CDC42BPA: variants seen among roughly 807,000 people sequenced by gnomAD.
The protein encoded by CDC42BPA is serine/threonine-protein kinase MRCK alpha.
A neutral mutation model predicts 223.5 loss-of-function variants in CDC42BPA; 80 were observed. The ratio of observed to expected loss-of-function variants is 0.36; its 90% CI spans 0.30 to 0.43. The LOEUF (loss-of-function observed/expected upper bound fraction) is 0.43. CDC42BPA is among the 20% of genes least tolerant of loss of function. The pLI is 1.00. For missense variants in CDC42BPA, 1,743 were observed against 2,099.9 expected, an observed-to-expected ratio of 0.83 and a Z score of 3.32; for synonymous variants, 694 against 718.6, an observed-to-expected ratio of 0.97 and a Z score of 0.55.
chr1:227,309,217 A>T (rs1029839988), intron 1 of CDC42BPA, among the ~76,000 whole-genome samples: 43 of 151,860 alleles, frequency 2.8e-4, no homozygotes, highest in South Asian at 1.2e-3. Flanking sequence ...AAAAAAAAAA[A>T]AAAAATAAGC....
intron 35 of CDC42BPA, among the ~76,000 whole-genome samples, chr1:226,998,349 CA>C (rs1318861661): frequency 3.9e-5 from 6 of 152,098 alleles, no homozygotes; most frequent in Admixed American, 3.9e-4. Flanking sequence ...CAATCCTAAG[CA>C]AAAAGAACAA....
intron 22 of CDC42BPA, among the ~76,000 whole-genome samples, chr1:227,051,339 T>C (rs78216011): frequency 0.13 from 19,647 of 152,214 alleles, 1,346 homozygotes; most frequent in East Asian, 0.26. Context: ...AATTGGCCTA[T>C]TGGCTATTTA....
At position 227,074,355 on chromosome 1, in the gene CDC42BPA, A is replaced by G. The variant is rs1442061121; in HGVS notation, c.2490T>C (p.Asp830=). Reference sequence around the variant, plus strand: ...GAAGATACCCTCGTGCATCCTTTTCATCGCTGACCCTAGAATATATAAAGA... The same window carrying G: ...GAAGATACCCTCGTGCATCCTTTTCGTCGCTGACCCTAGAATATATAAAGA... ...QITEIIQWVS[D]EKDARGYLQA... The change falls in exon 18 of 37, where the codon GAT becomes GAC. Residue 830 remains aspartate, a synonymous_variant. Transcript: ENST00000366766. The G allele has an allele frequency of 1.2e-6, 2 of 1,611,614 alleles. No individual in the cohort carries two copies. The highest frequency in any genetic ancestry group is 4.5e-5 in the East Asian group (2 of 44,838).
At chr1:227,133,515 A>T (rs1306628753) in intron 10 of CDC42BPA, among the ~76,000 whole-genome samples, 1 of 152,234 alleles carries the variant, frequency 6.6e-6, no homozygotes, top group South Asian at 2.1e-4. Context: ...GTTTTGTGGA[A>T]TAGAAAGGGG....
At chr1:227,280,956 T>C (rs762153637) in intron 1 of CDC42BPA, among the ~76,000 whole-genome samples, 2 of 152,154 alleles carry the variant, frequency 1.3e-5, no homozygotes, top group African/African-American at 2.4e-5. Flanking sequence ...CTCTCTGGGA[T>C]AGACCGGCTG....
At chr1:227,118,505 G>A (rs1365178615) in intron 12 of CDC42BPA, among the ~76,000 whole-genome samples, 5 of 151,878 alleles carry the variant, frequency 3.3e-5, no homozygotes, top group South Asian at 2.1e-4. Flanking sequence ...GTTTCTTTTC[G>A]TCAGCACTAT....
chr1:227,159,655 A>AGG (rs1663488992), intron 6 of CDC42BPA, among the ~76,000 whole-genome samples: 1 of 150,506 alleles, frequency 6.6e-6, no homozygotes, highest in African/African-American at 2.4e-5. Flanking sequence ...AAGTTAAAAA[A>AGG]AAAAAAAAAC....
chr1:227,073,845 C>A lies in CDC42BPA; in HGVS notation c.2735+19G>T. The stretch of plus-strand genomic sequence containing the variant: ...AAACTTAGAAATTATTCTAGTGGGA[C>A]TATATGATTCAATCTTACCATTCTG... On this transcript the variant is annotated intron_variant, in intron 19 of 36. Coordinates refer to ENST00000366766, the MANE Select transcript of CDC42BPA (RefSeq NM_001394014.1). The A allele has an allele frequency of 6.6e-7, 1 of 1,511,718 alleles. No homozygotes were observed. 93.6% of individuals were successfully genotyped at this position (1,511,718 alleles called of 1,614,324 possible). A position where few individuals can be genotyped will look rare whatever the true frequency, so the allele number is the denominator to read the frequency against.
At chr1:227,226,568 C>G (rs901324318) in intron 2 of CDC42BPA, among the ~76,000 whole-genome samples, 1 of 152,134 alleles carries the variant, frequency 6.6e-6, no homozygotes, top group African/African-American at 2.4e-5. Context: ...TTGAAGTTCT[C>G]AAAGGACAGA....
Position 227,051,967 on chromosome 1 carries a change from T to C in CDC42BPA, c.2923A>G (p.Thr975Ala), listed in dbSNP as rs749027214. 5.1e-6 allele frequency: 7 copies of C among 1,366,024 alleles called. No individual in the cohort carries two copies. The highest frequency in any genetic ancestry group is 3.8e-5 in the Admixed American group (2 of 52,524). The allele number at this position is 1,366,024 out of a possible 1,614,324, so 84.6% of individuals were successfully genotyped here. A position where few individuals can be genotyped will look rare whatever the true frequency, so the allele number is the denominator to read the frequency against. ...TTGACGCTCGGGTTCCATACATATG[T>C]GTTCTCAACGGGATCAGTCTAGGAA... is the stretch of plus-strand genomic sequence containing the variant. ...DQFETDPVEN[T>A]YVWNPSVKFH... is the part of the protein sequence containing the mutation. Residue 975 changes from threonine (T) to alanine (A), a missense_variant, in exon 22 of 37, where the codon ACA becomes GCA. Physicochemically the swap from Thr to Ala is moderately conservative, Grantham distance 58. This residue lies in a region of CDC42BPA where 678 missense variants were observed against 777.5 expected (regional missense o/e 0.87). Coordinates refer to ENST00000366766, the MANE Select transcript of CDC42BPA (RefSeq NM_001394014.1).
At position 227,014,523 on chromosome 1, in the gene CDC42BPA, A is replaced by G. The variant is rs1343156279; in HGVS notation, c.4857+1557T>C. Among the ~76,000 whole-genome samples the G allele has an allele frequency of 5.9e-5, 9 of 152,216 alleles. No homozygotes were observed. In the East Asian group the frequency reaches 1.5e-3, roughly 26 times the overall value. ...ATGAAGAACTCAGACTTGAATGCAG[A>G]TATGTTTTCTTCCCATGAAATAAAT... On this transcript the variant is annotated intron_variant, in intron 34 of 36. Transcript: ENST00000366766.
intron 1 of CDC42BPA, among the ~76,000 whole-genome samples, chr1:227,256,571 C>T (rs1683058551): frequency 6.6e-6 from 1 of 151,744 alleles, no homozygotes; most frequent in Admixed American, 6.6e-5. Flanking sequence ...AAATGAAAAC[C>T]AAAACCACAA....
intron 35 of CDC42BPA, among the ~76,000 whole-genome samples, chr1:227,003,231 T>G (rs533362681): frequency 6.6e-6 from 1 of 152,350 alleles, no homozygotes; most frequent in African/African-American, 2.4e-5. Flanking sequence ...TCTGACTCAA[T>G]GACTTTTAAA....
chr1:227,061,071 C>G (rs1386941411), intron 21 of CDC42BPA, among the ~76,000 whole-genome samples: 1 of 152,122 alleles, frequency 6.6e-6, no homozygotes, highest in Non-Finnish European at 1.5e-5. Flanking sequence ...AACTTGAACA[C>G]TGTGTCCTGC....
chr1:227,188,922 T>A (rs1669265913), intron 5 of CDC42BPA, among the ~76,000 whole-genome samples: 1 of 151,976 alleles, frequency 6.6e-6, no homozygotes, highest in South Asian at 2.1e-4. Flanking sequence ...ATGTTGATAG[T>A]GGGGGAGGCT....
intron 2 of CDC42BPA, among the ~76,000 whole-genome samples, chr1:227,247,524 A>G (rs1253363900): frequency 6.6e-6 from 1 of 151,964 alleles, no homozygotes; most frequent in African/African-American, 2.4e-5. Context: ...GAGGAAACTC[A>G]AAGAAATTCA....
At chr1:227,244,955 G>A (rs1399598190) in intron 2 of CDC42BPA, among the ~76,000 whole-genome samples, 5 of 152,314 alleles carry the variant, frequency 3.3e-5, no homozygotes, top group African/African-American at 1.2e-4. Flanking sequence ...GGCCATGCTT[G>A]GAGGGGCATT....
chr1:227,249,038 C>G (rs191242041), intron 2 of CDC42BPA, among the ~76,000 whole-genome samples: 1 of 152,148 alleles, frequency 6.6e-6, no homozygotes. Context: ...TCAAATGATA[C>G]TACAGAGCTA....
chr1:227,174,560 G>A (rs1666643628), intron 5 of CDC42BPA, among the ~76,000 whole-genome samples: 2 of 151,976 alleles, frequency 1.3e-5, no homozygotes, highest in South Asian at 4.2e-4. Flanking sequence ...TATTAAAATA[G>A]GATTGCTCTA....
Sources: allele counts gnomAD v4.1 joint callset (sites outside exome capture counted in the v4.1 genomes callset), GRCh38; gene constraint gnomAD v4.1.1; regional missense constraint gnomAD v4.1.1; transcripts MANE v1.5; gene names NCBI Gene and HGNC (gene_info 2026-07-23, HGNC 2026-07-21).